NT5DC2: variants seen among roughly 807,000 people sequenced by gnomAD.
NT5DC2 encodes 5'-nucleotidase domain-containing protein 2.
NT5DC2 carries 41 observed loss-of-function variants against 70.0 expected under a neutral mutation model. That is an observed-to-expected ratio of 0.59 (90% confidence interval 0.46 to 0.76). The LOEUF (loss-of-function observed/expected upper bound fraction) is 0.76. Among genes scored for constraint, NT5DC2 ranks in the 30% least tolerant of loss-of-function variants. The pLI is 0.00. For missense variants in NT5DC2, 705 were observed against 783.2 expected (o/e 0.90, Z 1.19); for synonymous variants, 299 against 310.4 (o/e 0.96, Z 0.39).
chr3:52,524,785 C>A (rs762300604), intron 13 of NT5DC2, 32 bp downstream of exon 13: 38 of 1,612,408 alleles, frequency 2.4e-5, no homozygotes, highest in African/African-American at 5.3e-5. Flanking sequence ...GGTGGCTTGG[C>A]TGGGACTCCT....
At chr3:52,527,476 C>CCAAT in intron 9 of NT5DC2, 101 bp from the exon 10 acceptor site, 1 of 1,475,294 alleles carries the variant, frequency 6.8e-7, no homozygotes, top group Non-Finnish European at 9.4e-7. Flanking sequence ...TCAAGTGGAC[C>CCAAT]CATGCCAGCA....
chr3:52,529,303 C>A lies in NT5DC2; in HGVS notation c.264G>T (p.Leu88=), dbSNP rs1206680102. 1 of 1,613,770 alleles carries A rather than the reference C, an allele frequency of 6.2e-7. No individual in the cohort carries two copies. Among genetic ancestry groups the A allele is most frequent in the East Asian group, 2.2e-5 (1 of 44,884 alleles). The stretch of plus-strand genomic sequence containing the variant: ...TGTTGGCGTAGATGGCTGCTGGGTT[C>A]AGGAGACTGCAGACCTCGGGGGGCA... The part of the protein sequence containing the change: ...DLLPPEVCSL[L]NPAAIYANNE... Residue 88 remains leucine, a synonymous_variant, in exon 2 of 14, where the codon CTG becomes CTT. Transcript: ENST00000422318. This position sits in a 1 kb window ranked among gnomAD's most constrained non-coding sequence, Gnocchi z 4.1.
At chr3:52,534,494 G>T, upstream of NT5DC2, 1 of 1,612,144 alleles carries the variant, frequency 6.2e-7, no homozygotes, top group Non-Finnish European at 8.5e-7. Context: ...CGGTCACTGC[G>T]CCCGCTTGGT....
upstream of NT5DC2, chr3:52,534,732 G>C (rs7639188): frequency 1.1e-5 from 17 of 1,531,486 alleles, no homozygotes; most frequent in Non-Finnish European, 1.4e-5. Context: ...CGACCCAGTA[G>C]CCGTGGGCCC....
At chr3:52,524,775 G>A (rs1312175031) in intron 13 of NT5DC2, 42 bp downstream of exon 13, 7 of 1,612,662 alleles carry the variant, frequency 4.3e-6, no homozygotes, top group Non-Finnish European at 5.9e-6. Flanking sequence ...GGCCTGGGGT[G>A]GTGGCTTGGC....
At chr3:52,533,434 C>T (rs2079387103) in intron 1 of NT5DC2, 72 bp downstream of exon 1, 1 of 1,421,782 alleles carries the variant, frequency 7.0e-7, no homozygotes, top group East Asian at 3.1e-5. Context: ...AGGAGCGGCA[C>T]CCTGGGGCTC....
At chr3:52,526,374 C>A (rs1163951268) in intron 10 of NT5DC2, 2 of 152,302 alleles carry the variant, frequency 1.3e-5, no homozygotes, top group African/African-American at 4.8e-5. Flanking sequence ...TGGCCAGCTG[C>A]TGGCTTCCCC....
rs981626751 is a variant in NT5DC2 at position 52,529,067 on chromosome 3, G to A, written c.417+83C>T. The A allele has an allele frequency of 5.4e-5, 86 of 1,594,574 alleles. 1 individual carries two copies. The Middle Eastern group carries it at 2.7e-3, about 50-fold the overall frequency. ...GGCAAGAGGGCCAGGGGAGCCCCACGACTCAGCCCTGAGCTTAGGCCAAGG... is the reference window on the plus strand; with the variant it reads ...GGCAAGAGGGCCAGGGGAGCCCCACAACTCAGCCCTGAGCTTAGGCCAAGG... On this transcript the variant is annotated intron_variant, in intron 2 of 13. Transcript: ENST00000422318. This position sits in a 1 kb window ranked among gnomAD's most constrained non-coding sequence, Gnocchi z 4.1.
At position 52,527,921 on chromosome 3, in the gene NT5DC2, G is replaced by A. The variant is rs1280315495; in HGVS notation, c.843C>T (p.Ile281=). ...QWIEQDMEKY[I]LRGDETFAVL... Reference sequence around the variant, plus strand: ...CAGCAAACGTCTCATCCCCTCTCAGGATGTACTTCTCTAATGGGGCAGATG... The same window carrying A: ...CAGCAAACGTCTCATCCCCTCTCAGAATGTACTTCTCTAATGGGGCAGATG... Residue 281 remains isoleucine (I), a synonymous_variant, in exon 8 of 14, where the codon ATC becomes ATT. Transcript: ENST00000422318. 6 of 1,613,604 alleles carry A rather than the reference G, an allele frequency of 3.7e-6. No homozygotes were observed. The highest frequency in any genetic ancestry group is 5.1e-6 in the Non-Finnish European group (6 of 1,180,032).
upstream of NT5DC2, chr3:52,534,123 G>A (rs2079399676): frequency 1.8e-5 from 5 of 281,202 alleles, no homozygotes; most frequent in South Asian, 6.6e-5. Context: ...CCGAGGCGCC[G>A]AGAGGAGACA....
Position 52,527,816 on chromosome 3 carries a change from G to A in NT5DC2, c.935+13C>T, listed in dbSNP as rs143792522. ...GGCCCTGCTGTCCCTCCATCCACAG[G>A]GGCTGGACTCACACGAAGCTGAAAG... On this transcript the variant is annotated intron_variant, in intron 8 of 13. Transcript: ENST00000422318. The A allele has an allele frequency of 3.5e-3, 5,612 of 1,612,542 alleles. 12 individuals carry two copies. The highest frequency in any genetic ancestry group is 4.8e-3 in the Middle Eastern group (29 of 6,062).
At chr3:52,532,339 C>T (rs1344219405) in intron 1 of NT5DC2, 9 of 985,316 alleles carry the variant, frequency 9.1e-6, no homozygotes, top group Admixed American at 6.1e-5. Context: ...TCTCCGGGCC[C>T]AGAGCAAAGA....
chr3:52,533,525 G>T lies in NT5DC2; in HGVS notation c.213C>A (p.Asp71Glu). 1 of 1,460,672 alleles carries T rather than the reference G, an allele frequency of 6.8e-7. No homozygotes were observed. 90.5% of individuals were successfully genotyped at this position (1,460,672 alleles called of 1,614,324 possible). A position where few individuals can be genotyped will look rare whatever the true frequency, so the allele number is the denominator to read the frequency against. The change falls in exon 1 of 14, where the codon GAC (aspartate) becomes GAA (glutamate). Residue 71 changes from aspartate to glutamate, a missense_variant. Physicochemically the swap from Asp to Glu is conservative, Grantham distance 45. Coordinates refer to ENST00000422318, the MANE Select transcript of NT5DC2 (RefSeq NM_001134231.2). ...ACCCACCGTGCACCAGTCTCCGCAT[G>T]TCCTGGTAGCGAGCCCATAGGTGCG... ...LSAHLWARYQ[D>E]MRRLVHDLLP... is the part of the protein sequence containing the mutation.
chr3:52,529,005 G>A lies in NT5DC2; in HGVS notation c.418-70C>T. On this transcript the variant is annotated intron_variant, in intron 2 of 13. Coordinates refer to ENST00000422318, the MANE Select transcript of NT5DC2 (RefSeq NM_001134231.2). This position sits in a 1 kb window ranked among gnomAD's most constrained non-coding sequence, Gnocchi z 4.1. Reference sequence around the variant, plus strand: ...ACCTGCTGGCTGGGTGGCCACCCCAGGGGGTCAATCCAGCCACCTGCCCAG... The same window carrying A: ...ACCTGCTGGCTGGGTGGCCACCCCAAGGGGTCAATCCAGCCACCTGCCCAG... 6.3e-7 allele frequency: 1 copy of A among 1,596,370 alleles called. No individual in the cohort carries two copies. Among genetic ancestry groups the A allele is most frequent in the East Asian group, 2.2e-5 (1 of 44,760 alleles).
chr3:52,534,408 G>T (rs1219786417), upstream of NT5DC2: 4 of 1,509,720 alleles, frequency 2.6e-6, no homozygotes, highest in South Asian at 4.6e-5. Context: ...CACGCTGGGG[G>T]AGGCCGAGGG....
rs1300156491 is a variant in NT5DC2, at chr3:52,531,999, TC to T, written c.232+1506del. On this transcript the variant is annotated intron_variant, in intron 1 of 13. Coordinates refer to ENST00000422318, the MANE Select transcript of NT5DC2 (RefSeq NM_001134231.2). The surrounding 1 kb of genome is among the most constrained non-coding windows in gnomAD (Gnocchi z 4.1). ...ATTCAAGTCACCCCACCTGCATTAA[TC>T]ACTCTGCCTCTCAGCCTAGCCTCCC... Among the ~76,000 whole-genome samples the T allele has an allele frequency of 1.3e-5, 2 of 152,058 alleles. No individual in the cohort carries two copies. Among genetic ancestry groups the T allele is most frequent in the Non-Finnish European group, 2.9e-5 (2 of 68,006 alleles).
In NT5DC2 at chr3:52,527,398, G is replaced by A. The variant is rs143780461; in HGVS notation, c.1038-23C>T. 3.1e-6 allele frequency: 5 copies of A among 1,612,370 alleles called. No individual in the cohort carries two copies. In the African/African-American group the frequency reaches 6.7e-5, roughly 21 times the overall value. On this transcript the variant is annotated intron_variant, in intron 9 of 13. Transcript: ENST00000422318. Reference sequence around the variant, plus strand: ...GGCCTGGGGTGCAGGTAAAGGGCATGACTTCCAGTCTGTGGCTGGGCCACG... The same window carrying A: ...GGCCTGGGGTGCAGGTAAAGGGCATAACTTCCAGTCTGTGGCTGGGCCACG...
chr3:52,534,347 TCA>T (rs2153249048), upstream of NT5DC2: 1 of 918,304 alleles, frequency 1.1e-6, no homozygotes, highest in Admixed American at 2.0e-5. Context: ...GCCAGTCCAC[TCA>T]CTGGTCTAAC....
At chr3:52,525,485 C>A in intron 10 of NT5DC2, 190 bp from the exon 11 acceptor site, 1 of 607,706 alleles carries the variant, frequency 1.6e-6, no homozygotes, top group Non-Finnish European at 3.0e-6. Flanking sequence ...ATTCTGCCTG[C>A]TGCAGGAAGG....
Sources: allele counts gnomAD v4.1 joint callset (sites outside exome capture counted in the v4.1 genomes callset), GRCh38; gene constraint gnomAD v4.1.1; non-coding constraint Gnocchi (gnomAD v3.1); transcripts MANE v1.5; gene names NCBI Gene and HGNC (gene_info 2026-07-23, HGNC 2026-07-21).